Variants in ADCY2 observed in about 807,000 individuals in gnomAD.
ADCY2 encodes the protein adenylate cyclase type 2.
A neutral mutation model predicts 125.2 loss-of-function variants in ADCY2; 31 were observed. The observed-to-expected ratio is 0.25, with a 90% confidence interval of 0.19 to 0.33. ADCY2 has a LOEUF of 0.33. Ranked by LOEUF, ADCY2 falls within the 10% of genes least tolerant of loss-of-function variation. The pLI, the probability that ADCY2 is intolerant of heterozygous loss-of-function variation, is 1.00. For synonymous variants in ADCY2, 512 were observed against 548.4 expected (o/e 0.93, Z 0.93); for missense variants, 904 against 1,418.2 (o/e 0.64, Z 5.82).
intron 2 of ADCY2, among the ~76,000 whole-genome samples, chr5:7,422,872 A>G (rs944026440): frequency 6.6e-6 from 1 of 152,218 alleles, no homozygotes; most frequent in Non-Finnish European, 1.5e-5. Context: ...CTGGTGCAGA[A>G]TCCTTTTGCT....
intron 2 of ADCY2, among the ~76,000 whole-genome samples, chr5:7,487,817 A>G (rs1023656370): frequency 2.6e-5 from 4 of 152,214 alleles, no homozygotes; most frequent in African/African-American, 7.2e-5. Context: ...CTTTTGAGTC[A>G]TCATCTAAAT....
chr5:7,399,635 G>T (rs1464463442), intron 1 of ADCY2, among the ~76,000 whole-genome samples: 1 of 152,170 alleles, frequency 6.6e-6, no homozygotes, highest in Non-Finnish European at 1.5e-5. Flanking sequence ...AGAATTATTT[G>T]AAGACAGGAA....
At chr5:7,782,737 T>C (rs1346492627) in intron 18 of ADCY2, among the ~76,000 whole-genome samples, 1 of 152,248 alleles carries the variant, frequency 6.6e-6, no homozygotes, top group Non-Finnish European at 1.5e-5. Flanking sequence ...ACTTTCACTA[T>C]TCAATATAGC....
intron 3 of ADCY2, among the ~76,000 whole-genome samples, chr5:7,615,980 A>T (rs1737743730): frequency 6.6e-6 from 1 of 152,166 alleles, no homozygotes; most frequent in Non-Finnish European, 1.5e-5. Context: ...TAAAAATATT[A>T]TATTTTATTT....
At chr5:7,412,199 C>T (rs1480835442) in intron 1 of ADCY2, among the ~76,000 whole-genome samples, 1 of 152,148 alleles carries the variant, frequency 6.6e-6, no homozygotes, top group African/African-American at 2.4e-5. Context: ...TGTCACTTTA[C>T]AGTCATGCAT....
At chr5:7,712,697 C>T (rs6555488) in intron 10 of ADCY2, among the ~76,000 whole-genome samples, 159 bp from the exon 11 acceptor site, 151,281 of 152,352 alleles carry the variant, frequency 0.99, 75,114 homozygotes, top group Middle Eastern at 1. Flanking sequence ...TTGATTCACA[C>T]TTAGGATTAA....
intron 4 of ADCY2, among the ~76,000 whole-genome samples, chr5:7,651,365 A>C (rs2002579): frequency 0.62 from 93,975 of 151,908 alleles, 29,508 homozygotes; most frequent in Non-Finnish European, 0.65. Flanking sequence ...AGGCCATCTG[A>C]AAACTGAGGA....
At chr5:7,474,663 T>G (rs1417727493) in intron 2 of ADCY2, among the ~76,000 whole-genome samples, 1 of 152,122 alleles carries the variant, frequency 6.6e-6, no homozygotes, top group East Asian at 1.9e-4. Context: ...TGAGGAGAAG[T>G]GCAAGACAGG....
At chr5:7,560,885 G>T (rs941893821) in intron 3 of ADCY2, among the ~76,000 whole-genome samples, 2 of 151,976 alleles carry the variant, frequency 1.3e-5, no homozygotes, top group African/African-American at 4.8e-5. Context: ...GACAGGTTTT[G>T]CCATGTTGGC....
intron 3 of ADCY2, among the ~76,000 whole-genome samples, chr5:7,611,449 A>T (rs962272073): frequency 6.6e-6 from 1 of 152,182 alleles, no homozygotes; most frequent in African/African-American, 2.4e-5. Context: ...ATTGTTAAAC[A>T]TCTAATTGTT....
chr5:7,629,436 G>A (rs919554648), intron 4 of ADCY2, among the ~76,000 whole-genome samples: 11 of 152,178 alleles, frequency 7.2e-5, no homozygotes, highest in Admixed American at 2.0e-4. Flanking sequence ...TCAGATGCAA[G>A]TGAGATGAAT....
chr5:7,499,657 ATATATATATATATATATATATATATG>A (rs1006017628), intron 2 of ADCY2, among the ~76,000 whole-genome samples: 3 of 75,624 alleles, frequency 4.0e-5, no homozygotes, highest in Admixed American at 1.1e-4. Flanking sequence ...GGATATATAT[ATATATATATATATATATATATATATG>A]TATATATATG....
intron 19 of ADCY2, among the ~76,000 whole-genome samples, chr5:7,786,665 T>C (rs1361783933): frequency 1.3e-5 from 2 of 152,168 alleles, no homozygotes; most frequent in Non-Finnish European, 2.9e-5. Context: ...CTCAGGAGTC[T>C]CTTTTGAAAA....
chr5:7,802,413 C>A lies in ADCY2; in HGVS notation c.2775+49C>A. 2 of 1,585,670 alleles carry A rather than the reference C, an allele frequency of 1.3e-6. No homozygotes were observed. The highest frequency in any genetic ancestry group is 1.2e-5 in the South Asian group (1 of 86,696). On this transcript the variant is annotated intron_variant, in intron 21 of 24. Coordinates refer to ENST00000338316, the MANE Select transcript of ADCY2 (RefSeq NM_020546.3). This position sits in a 1 kb window ranked among gnomAD's most constrained non-coding sequence, Gnocchi z 4.6. ...AAGGGCAGCAGTACACTCAGTCTCA[C>A]ACCTGTGCACTTGAAGTTACTTCAG...
chr5:7,753,340 G>A (rs1011287937), intron 15 of ADCY2, among the ~76,000 whole-genome samples: 3 of 152,188 alleles, frequency 2.0e-5, no homozygotes, highest in Non-Finnish European at 4.4e-5. Flanking sequence ...AGTAAGAGCC[G>A]ATCATGGGGT....
At chr5:7,533,912 C>A (rs1734732057) in intron 3 of ADCY2, among the ~76,000 whole-genome samples, 1 of 152,096 alleles carries the variant, frequency 6.6e-6, no homozygotes, top group Non-Finnish European at 1.5e-5. Context: ...TGTGTAAATC[C>A]CCATATCACA....
intron 3 of ADCY2, among the ~76,000 whole-genome samples, chr5:7,533,179 T>G (rs1471669650): frequency 6.6e-6 from 1 of 151,600 alleles, no homozygotes; most frequent in African/African-American, 2.4e-5. Context: ...AAAATATTTC[T>G]GTTTAGACTT....
At chr5:7,805,457 TGAGAGAGAGA>T (rs370289821) in intron 22 of ADCY2, among the ~76,000 whole-genome samples, 1 of 150,580 alleles carries the variant, frequency 6.6e-6, no homozygotes, top group African/African-American at 2.4e-5. Context: ...TGTGTGTGTG[TGAGAGAGAGA>T]GAGAGAGAGA....
chr5:7,518,804 G>A lies in ADCY2; in HGVS notation c.409-1934G>A, dbSNP rs549830324. Among the ~76,000 whole-genome samples the A allele has an allele frequency of 2.6e-4, 39 of 152,130 alleles. 1 individual carries two copies. Among genetic ancestry groups the A allele is most frequent in the Admixed American group, 1.4e-3 (22 of 15,290 alleles). ...AGAGTCCACCCTGTTGTCTCCTCCCGGTGAGGGCAGGTGCCCTTCTCTCAG... is the reference window on the plus strand; with the variant it reads ...AGAGTCCACCCTGTTGTCTCCTCCCAGTGAGGGCAGGTGCCCTTCTCTCAG... On this transcript the variant is annotated intron_variant, in intron 2 of 24. Transcript: ENST00000338316.
Sources: allele counts gnomAD v4.1 joint callset (sites outside exome capture counted in the v4.1 genomes callset), GRCh38; gene constraint gnomAD v4.1.1; non-coding constraint Gnocchi (gnomAD v3.1); transcripts MANE v1.5; gene names NCBI Gene and HGNC (gene_info 2026-07-23, HGNC 2026-07-21).